Variants in KIRREL3 observed in about 807,000 individuals in gnomAD.
KIRREL3 encodes the protein kirre like nephrin family adhesion molecule 3, also known as kin of IRRE-like protein 3.
A neutral mutation model predicts 89.7 loss-of-function variants in KIRREL3; 36 were observed. The observed-to-expected ratio is 0.40, with a 90% CI of 0.31 to 0.53. The LOEUF (loss-of-function observed/expected upper bound fraction) is 0.53. Ranked by LOEUF, KIRREL3 falls within the 20% of genes least tolerant of loss-of-function variation. The pLI is 0.49. For missense variants in KIRREL3, 864 were observed against 1,056.6 expected (o/e 0.82, Z 2.53); for synonymous variants, 445 against 441.4 (o/e 1.01, Z -0.10).
intron 7 of KIRREL3, among the ~76,000 whole-genome samples, chr11:126,450,418 A>T (rs1424275210): frequency 8.2e-6 from 1 of 121,546 alleles, no homozygotes; most frequent in African/African-American, 3.3e-5. Context: ...TGCATGTGTG[A>T]GTGGGCATGT....
rs559695062 is a variant in KIRREL3, at chr11:126,847,275, T to A, written c.55+153180A>T. ...GTTCCAAAATTATGTGTAACTCCTATAATTCTGATAGCACTTGGTGTAGAT... is the reference window on the plus strand; with the variant it reads ...GTTCCAAAATTATGTGTAACTCCTAAAATTCTGATAGCACTTGGTGTAGAT... On this transcript the variant is annotated intron_variant, in intron 1 of 16. Coordinates refer to ENST00000525144, the MANE Select transcript of KIRREL3 (RefSeq NM_032531.4). Among the ~76,000 whole-genome samples the A allele has an allele frequency of 2.0e-5, 3 of 152,298 alleles. No homozygotes were observed. In the South Asian group the frequency reaches 6.2e-4, roughly 32 times the overall value.
In KIRREL3 at chr11:126,622,194, T is replaced by C. The variant is rs1204248158; in HGVS notation, c.56-59282A>G. On this transcript the variant is annotated intron_variant, in intron 1 of 16. Transcript: ENST00000525144. This position sits in a 1 kb window ranked among gnomAD's most constrained non-coding sequence, Gnocchi z 5.2. ...TGTTTTACATACAGTAATTGTTCAC[T>C]TGCTAAATCAGCCAGTAGAGAACTT... Among the ~76,000 whole-genome samples, 5 of 152,248 alleles carry C rather than the reference T, an allele frequency of 3.3e-5. No homozygotes were observed. Among genetic ancestry groups the C allele is most frequent in the Non-Finnish European group, 7.3e-5 (5 of 68,044 alleles).
In KIRREL3 at chr11:126,763,626, C is replaced by T. The variant is rs144414159; in HGVS notation, c.56-200714G>A. Among the ~76,000 whole-genome samples, 190 of 152,306 alleles carry T rather than the reference C, an allele frequency of 1.2e-3. No homozygotes were observed. The highest frequency in any genetic ancestry group is 4.4e-3 in the African/African-American group (182 of 41,568). Reference sequence around the variant, plus strand: ...GAGTAGGTGGTAGGTAGGCAATGGCCAGTGGGGCCAGCGCGGGTTTGAAAT... The same window carrying T: ...GAGTAGGTGGTAGGTAGGCAATGGCTAGTGGGGCCAGCGCGGGTTTGAAAT... On this transcript the variant is annotated intron_variant, in intron 1 of 16. Transcript: ENST00000525144. This position sits in a 1 kb window ranked among gnomAD's most constrained non-coding sequence, Gnocchi z 4.7.
intron 7 of KIRREL3, 25 bp downstream of exon 7, chr11:126,456,324 G>A (rs1283601349): frequency 6.7e-6 from 10 of 1,501,704 alleles, no homozygotes; most frequent in East Asian, 4.9e-5. Context: ...TGGCCAGGCC[G>A]GGCCCCCTCA....
rs568182107 is a variant in KIRREL3 at position 126,996,118 on chromosome 11, C to G, written c.55+4337G>C. Among the ~76,000 whole-genome samples, 1 of 152,252 alleles carries G rather than the reference C, an allele frequency of 6.6e-6. No homozygotes were observed. The highest frequency in any genetic ancestry group is 1.9e-4 in the East Asian group (1 of 5,158). ...TCCCTACTGGGATACAGACATGCAA[C>G]CACCCCCATTTCCAACAGACATGCC... is the stretch of plus-strand genomic sequence containing the variant. On this transcript the variant is annotated intron_variant, in intron 1 of 16. Coordinates refer to ENST00000525144, the MANE Select transcript of KIRREL3 (RefSeq NM_032531.4). The surrounding 1 kb of genome is among the most constrained non-coding windows in gnomAD (Gnocchi z 4.7).
rs1378807529 is a variant in KIRREL3, at chr11:126,443,063, T to G, written c.1252+1916A>C. ...GGCATTCTCTCCTCAAGAAATCTCT[T>G]TAAATCTCCCTTGGAAATGTCTGAA... On this transcript the variant is annotated intron_variant, in intron 10 of 16. Coordinates refer to ENST00000525144, the MANE Select transcript of KIRREL3 (RefSeq NM_032531.4). The surrounding 1 kb of genome is among the most constrained non-coding windows in gnomAD (Gnocchi z 7.3). 2.0e-5 allele frequency among the ~76,000 whole-genome samples: 3 copies of G among 152,180 alleles called. No homozygotes were observed. Among genetic ancestry groups the G allele is most frequent in the Non-Finnish European group, 4.4e-5 (3 of 68,016 alleles).
At chr11:126,916,217 G>A (rs550954545) in intron 1 of KIRREL3, among the ~76,000 whole-genome samples, 7 of 152,264 alleles carry the variant, frequency 4.6e-5, no homozygotes, top group African/African-American at 1.7e-4. Context: ...CTGGTCAGTG[G>A]TAAAACTGGA....
chr11:126,692,604 G>C (rs1414915439), intron 1 of KIRREL3, among the ~76,000 whole-genome samples: 1 of 135,002 alleles, frequency 7.4e-6, no homozygotes, highest in Non-Finnish European at 1.6e-5. Flanking sequence ...ATTCATCAAT[G>C]ATGAATGGAT....
intron 1 of KIRREL3, among the ~76,000 whole-genome samples, chr11:126,968,119 G>A (rs907374346): frequency 2.1e-4 from 32 of 152,208 alleles, no homozygotes; most frequent in African/African-American, 7.7e-4. Flanking sequence ...GTTGGATTTT[G>A]TAAAGCTGTT....
At chr11:126,757,739 GAA>G (rs60426762) in intron 1 of KIRREL3, among the ~76,000 whole-genome samples, 16 of 150,252 alleles carry the variant, frequency 1.1e-4, no homozygotes, top group African/African-American at 3.2e-4. Flanking sequence ...TTAAAGGCAA[GAA>G]AAAAAAAGAG....
chr11:126,915,762 C>G (rs1947012630), intron 1 of KIRREL3, among the ~76,000 whole-genome samples: 1 of 152,166 alleles, frequency 6.6e-6, no homozygotes, highest in Non-Finnish European at 1.5e-5. Context: ...ACATTGTAGT[C>G]AACCCATTCT....
In KIRREL3 at chr11:126,977,119, T is replaced by G. The variant is rs1382280010; in HGVS notation, c.55+23336A>C. ...TCTCTCTTTTCCTTTTTTCTTTTTC[T>G]GCAGGCTTCAGCTCCTTCTGGGTCT... On this transcript the variant is annotated intron_variant, in intron 1 of 16. Coordinates refer to ENST00000525144, the MANE Select transcript of KIRREL3 (RefSeq NM_032531.4). The surrounding 1 kb of genome is among the most constrained non-coding windows in gnomAD (Gnocchi z 4.7). Among the ~76,000 whole-genome samples, 1 of 152,212 alleles carries G rather than the reference T, an allele frequency of 6.6e-6. No homozygotes were observed. The highest frequency in any genetic ancestry group is 1.5e-5 in the Non-Finnish European group (1 of 68,048).
At chr11:126,518,702 A>G (rs1291481372) in intron 4 of KIRREL3, among the ~76,000 whole-genome samples, 1 of 152,152 alleles carries the variant, frequency 6.6e-6, no homozygotes, top group Non-Finnish European at 1.5e-5. Flanking sequence ...CCTCTCTCCC[A>G]TCTGTGGGAA....
Position 126,509,863 on chromosome 11 carries a change from G to T in KIRREL3, c.433+11452C>A, listed in dbSNP as rs186899300. 2.5e-3 allele frequency among the ~76,000 whole-genome samples: 375 copies of T among 151,936 alleles called. 2 individuals are homozygous for T. The highest frequency in any genetic ancestry group is 8.3e-3 in the African/African-American group (346 of 41,446). On this transcript the variant is annotated intron_variant, in intron 4 of 16. Coordinates refer to ENST00000525144, the MANE Select transcript of KIRREL3 (RefSeq NM_032531.4). ...ATACAGAAAATTAGCTGGGCGTGGT[G>T]GTGCACATCTGTAATCCCAGGAGAT...
chr11:126,815,725 C>T (rs1442607098), intron 1 of KIRREL3, among the ~76,000 whole-genome samples: 2 of 152,018 alleles, frequency 1.3e-5, no homozygotes, highest in Non-Finnish European at 2.9e-5. Context: ...TTAGTAGAGA[C>T]GGGGTTTCAC....
At chr11:126,450,877 G>T (rs964856962) in intron 7 of KIRREL3, among the ~76,000 whole-genome samples, 2 of 150,228 alleles carry the variant, frequency 1.3e-5, no homozygotes, top group African/African-American at 4.9e-5. Flanking sequence ...GTGCATGTGT[G>T]CATGTGTGCA....
At chr11:126,514,770 C>T (rs1281355651) in intron 4 of KIRREL3, among the ~76,000 whole-genome samples, 1 of 152,208 alleles carries the variant, frequency 6.6e-6, no homozygotes, top group African/African-American at 2.4e-5. Context: ...CAAGTGCGGG[C>T]AATCTGGCTT....
chr11:126,486,686 G>A lies in KIRREL3; in HGVS notation c.434-13220C>T, dbSNP rs538162975. Among the ~76,000 whole-genome samples the A allele has an allele frequency of 1.1e-4, 16 of 152,196 alleles. No homozygotes were observed. The highest frequency in any genetic ancestry group is 3.6e-4 in the African/African-American group (15 of 41,448). ...GCCTTATTTCATAGGTGGGTAAACT[G>A]AGGCATAGGCTGGCCAAAACATTTG... is the stretch of plus-strand genomic sequence containing the variant. On this transcript the variant is annotated intron_variant, in intron 4 of 16. Transcript: ENST00000525144. This position sits in a 1 kb window ranked among gnomAD's most constrained non-coding sequence, Gnocchi z 6.2.
chr11:126,527,002 G>A lies in KIRREL3; in HGVS notation c.134-315C>T, dbSNP rs1958784304. ...GGGACGTGCCACTTCCCATGCATTG[G>A]TGAGCTCCTACTTAATGCCATGTGC... On this transcript the variant is annotated intron_variant, in intron 2 of 16. Coordinates refer to ENST00000525144, the MANE Select transcript of KIRREL3 (RefSeq NM_032531.4). The surrounding 1 kb of genome is among the most constrained non-coding windows in gnomAD (Gnocchi z 4.2). 6.6e-6 allele frequency among the ~76,000 whole-genome samples: 1 copy of A among 152,212 alleles called. No individual in the cohort carries two copies. Among genetic ancestry groups the A allele is most frequent in the Admixed American group, 6.5e-5 (1 of 15,278 alleles).
Sources: allele counts gnomAD v4.1 joint callset (sites outside exome capture counted in the v4.1 genomes callset), GRCh38; gene constraint gnomAD v4.1.1; non-coding constraint Gnocchi (gnomAD v3.1); transcripts MANE v1.5; gene names NCBI Gene and HGNC (gene_info 2026-07-23, HGNC 2026-07-21).